The following LYRM4 variants were observed in gnomAD, a reference collection of about 807,000 sequenced individuals.
LYRM4 encodes the protein LYR motif-containing protein 4.
Under a neutral mutation model 11.7 loss-of-function variants are expected in LYRM4, and 9 were observed. The observed-to-expected ratio is 0.77, with a 90% confidence interval of 0.46 to 1.34. The LOEUF (loss-of-function observed/expected upper bound fraction) is 1.34. Ranked by LOEUF, LYRM4 falls within the 40% of genes most tolerant of loss-of-function variation. LYRM4 has a pLI of 0.00. For missense variants in LYRM4, 133 were observed against 112.5 expected (o/e 1.18, Z -0.82); for synonymous variants, 42 against 40.4 (o/e 1.04, Z -0.15).
chr6:5,239,131 A>T, intron 1 of LYRM4, among the ~76,000 whole-genome samples: 1 of 152,232 alleles, frequency 6.6e-6, no homozygotes, highest in East Asian at 1.9e-4. Context: ...CAAAATGCAG[A>T]CAGAAACTGA....
the LYRM4 span, among the ~76,000 whole-genome samples, chr6:5,091,155 C>T: frequency 6.6e-6 from 1 of 152,176 alleles, no homozygotes; most frequent in Non-Finnish European, 1.5e-5. Context: ...CCCCAAGATG[C>T]CAGGACCCGA....
At chr6:5,215,472 C>A (rs1489062312) in intron 2 of LYRM4, among the ~76,000 whole-genome samples, 1 of 152,142 alleles carries the variant, frequency 6.6e-6, no homozygotes, top group East Asian at 1.9e-4. Flanking sequence ...ATTTCCTAGG[C>A]CTGTCTGAGT....
intron 2 of LYRM4, among the ~76,000 whole-genome samples, chr6:5,118,094 A>ATATATTTTTT: frequency 1.9e-4 from 16 of 86,104 alleles, no homozygotes; most frequent in South Asian, 1.3e-3. Context: ...ATATATATAT[A>ATATATTTTTT]TTTTTGTTTT....
At chr6:5,097,916 C>T in the LYRM4 span, among the ~76,000 whole-genome samples, 6 of 152,210 alleles carry the variant, frequency 3.9e-5, no homozygotes, top group Admixed American at 6.5e-5. Flanking sequence ...ATTATCCACC[C>T]GATCTAAAGC....
At chr6:5,181,189 G>A (rs1360978001) in intron 2 of LYRM4, among the ~76,000 whole-genome samples, 2 of 152,104 alleles carry the variant, frequency 1.3e-5, no homozygotes, top group African/African-American at 4.8e-5. Context: ...CCACAAACCT[G>A]GTTGAAAGAG....
At chr6:5,154,377 C>T (rs1050647751) in intron 2 of LYRM4, among the ~76,000 whole-genome samples, 2 of 152,202 alleles carry the variant, frequency 1.3e-5, no homozygotes, top group Admixed American at 1.3e-4. Flanking sequence ...CCCCCATCTC[C>T]AGCTCCCAAG....
chr6:5,101,078 C>T (rs1762485188), downstream of LYRM4, among the ~76,000 whole-genome samples: 1 of 152,202 alleles, frequency 6.6e-6, no homozygotes, highest in South Asian at 2.1e-4. Flanking sequence ...CTGCACATCG[C>T]TGCCGTACAT....
intron 2 of LYRM4, among the ~76,000 whole-genome samples, chr6:5,142,332 C>T (rs922175105): frequency 6.6e-6 from 1 of 151,174 alleles, no homozygotes; most frequent in Non-Finnish European, 1.5e-5. Flanking sequence ...CTGGCTGACA[C>T]CCTGGCCAGA....
At chr6:5,186,983 TAAAA>T in intron 2 of LYRM4, 4 of 717,258 alleles carry the variant, frequency 5.6e-6, no homozygotes, top group South Asian at 6.4e-5. Context: ...GAGTCCATCT[TAAAA>T]AAAAAAAAAA....
rs941810895 is a variant in LYRM4 at position 5,260,949 on chromosome 6, T to A, written c.-216A>T. On this transcript the variant is annotated 5_prime_UTR_variant, in exon 1 of 3. Coordinates refer to ENST00000330636, the MANE Select transcript of LYRM4 (RefSeq NM_020408.6). ...CTTCGGGGGCGGGCGCAGGCAGGGC[T>A]CGGGGCAGCTAAGGGGGCGGTGCTG... is the stretch of plus-strand genomic sequence containing the variant. The A allele has an allele frequency of 2.3e-6, 3 of 1,322,942 alleles. No individual in the cohort carries two copies. The Admixed American group carries it at 1.1e-4, about 49-fold the overall frequency. The allele number at this position is 1,322,942 out of a possible 1,614,324, so 82.0% of individuals were successfully genotyped here.
intron 1 of LYRM4, among the ~76,000 whole-genome samples, chr6:5,234,302 C>T (rs1763409483): frequency 6.6e-6 from 1 of 152,138 alleles, no homozygotes; most frequent in Non-Finnish European, 1.5e-5. Flanking sequence ...GAGATGAGCC[C>T]CTCGTGTTCT....
At chr6:5,182,388 T>C (rs973887629) in intron 2 of LYRM4, among the ~76,000 whole-genome samples, 20 of 152,270 alleles carry the variant, frequency 1.3e-4, no homozygotes, top group African/African-American at 4.8e-4. Flanking sequence ...ACAGCCATAT[T>C]AGATTAGCAA....
At chr6:5,086,386 C>A in the LYRM4 span, 5 of 1,536,080 alleles carry the variant, frequency 3.3e-6, no homozygotes, top group Admixed American at 2.0e-5. Context: ...CGAGTGCTTC[C>A]ACTTCTCGCT....
chr6:5,259,874 C>G (rs773513393), intron 1 of LYRM4, among the ~76,000 whole-genome samples: 1 of 151,948 alleles, frequency 6.6e-6, no homozygotes, highest in African/African-American at 2.4e-5. Context: ...TGGGTCAGAA[C>G]CAGCAACACT....
At chr6:5,192,813 G>A (rs1760839817) in intron 2 of LYRM4, among the ~76,000 whole-genome samples, 1 of 152,218 alleles carries the variant, frequency 6.6e-6, no homozygotes, top group Non-Finnish European at 1.5e-5. Context: ...ATCACCTGAA[G>A]TCAGGAGTTT....
intron 1 of LYRM4, among the ~76,000 whole-genome samples, chr6:5,252,984 A>T (rs1417992190): frequency 3.3e-5 from 5 of 152,174 alleles, no homozygotes; most frequent in Non-Finnish European, 7.4e-5. Flanking sequence ...AAGCATTCCT[A>T]ATTTTAAGGT....
chr6:5,090,777 C>G, the LYRM4 span, among the ~76,000 whole-genome samples: 1 of 152,144 alleles, frequency 6.6e-6, no homozygotes, highest in Admixed American at 6.5e-5. This position sits in a 1 kb window ranked among gnomAD's most constrained non-coding sequence, Gnocchi z 4.8. Flanking sequence ...GCATTAGTGT[C>G]GGATTCTTCA....
downstream of LYRM4, chr6:5,102,478 T>C (rs1762535827): frequency 6.6e-6 from 1 of 152,188 alleles, no homozygotes; most frequent in Non-Finnish European, 1.5e-5. Context: ...ATTCACTAGG[T>C]AACTGACAGG....
intron 2 of LYRM4, among the ~76,000 whole-genome samples, chr6:5,159,910 A>G (rs552825885): frequency 6.6e-6 from 1 of 152,186 alleles, no homozygotes; most frequent in Admixed American, 6.5e-5. Flanking sequence ...TCCCTTGTCT[A>G]TGCCTTTCTC....
Sources: gnomAD v4.1 joint callset for allele counts (sites outside exome capture counted in the v4.1 genomes callset) on GRCh38, gnomAD v4.1.1 for gene constraint, Gnocchi (gnomAD v3.1) non-coding constraint, MANE v1.5 for transcripts, NCBI Gene and HGNC (gene_info 2026-07-23, HGNC 2026-07-21) for gene names.